GPR89B: variants seen among roughly 807,000 people sequenced by gnomAD.
The protein encoded by GPR89B is golgi pH regulator B.
A neutral mutation model predicts 52.4 loss-of-function variants in GPR89B; 25 were observed. That is an observed-to-expected ratio of 0.48 (90% CI 0.35 to 0.67). The LOEUF is 0.67. GPR89B is among the 30% of genes least tolerant of loss of function. The pLI is 0.01. For synonymous variants in GPR89B, 52 were observed against 151.2 expected (o/e 0.34, Z 4.81); for missense variants, 146 against 450.2 (o/e 0.32, Z 6.11).
At chr1:147,942,305 A>G (rs1571233695) in intron 3 of GPR89B, among the ~76,000 whole-genome samples, 1 of 147,988 alleles carries the variant, frequency 6.8e-6, no homozygotes, top group Non-Finnish European at 1.5e-5. Context: ...AAAAAAAAAC[A>G]GAAAATAACA....
chr1:147,963,298 C>T (rs1656759564), intron 7 of GPR89B, among the ~76,000 whole-genome samples: 1 of 151,570 alleles, frequency 6.6e-6, no homozygotes, highest in African/African-American at 2.4e-5. Context: ...ATGGCTTGAA[C>T]CTGGGAGGCG....
chr1:147,971,783 A>C (rs1398877421), intron 10 of GPR89B, among the ~76,000 whole-genome samples: 2 of 151,954 alleles, frequency 1.3e-5, no homozygotes, highest in African/African-American at 4.8e-5. Flanking sequence ...CCCAGCCAGC[A>C]TGTCATTTTT....
chr1:147,981,056 T>A (rs1393458180), intron 10 of GPR89B, among the ~76,000 whole-genome samples: 1 of 151,826 alleles, frequency 6.6e-6, no homozygotes. Flanking sequence ...AATGTAATTT[T>A]AAAAAGTATA....
At chr1:147,930,316 A>G (rs1653467383) in intron 1 of GPR89B, among the ~76,000 whole-genome samples, 1 of 152,218 alleles carries the variant, frequency 6.6e-6, no homozygotes. Context: ...CGCTTTAGGA[A>G]GGTTTTACCT....
At chr1:147,992,437 T>G (rs1659136564) in intron 12 of GPR89B, 65 bp from the exon 13 acceptor site, 10 of 1,541,100 alleles carry the variant, frequency 6.5e-6, no homozygotes, top group Admixed American at 1.7e-5. Context: ...TAACCATATT[T>G]CTTACTGTTC....
intron 7 of GPR89B, among the ~76,000 whole-genome samples, chr1:147,957,979 G>A (rs1214473805): frequency 2.0e-5 from 3 of 151,430 alleles, no homozygotes; most frequent in Non-Finnish European, 4.4e-5. Context: ...CAGGAGAACG[G>A]TGTGAACCCA....
chr1:148,022,454 T>TA, the GPR89B span, among the ~76,000 whole-genome samples: 1 of 151,936 alleles, frequency 6.6e-6, no homozygotes, highest in Non-Finnish European at 1.5e-5. Flanking sequence ...CGTTAATAGA[T>TA]AGAGACCTAT....
chr1:148,014,973 T>C, the GPR89B span: 2 of 151,472 alleles, frequency 1.3e-5, no homozygotes, highest in Non-Finnish European at 2.9e-5. Flanking sequence ...CTTTGGAACC[T>C]GCACAATTGT....
chr1:148,012,720 T>G, the GPR89B span, among the ~76,000 whole-genome samples: 2 of 151,966 alleles, frequency 1.3e-5, no homozygotes, highest in South Asian at 4.2e-4. Flanking sequence ...TATTCCAGGA[T>G]GTTGTGCCTA....
intron 3 of GPR89B, among the ~76,000 whole-genome samples, chr1:147,940,685 C>A (rs1654487745): frequency 6.6e-6 from 1 of 152,164 alleles, no homozygotes; most frequent in Non-Finnish European, 1.5e-5. Flanking sequence ...AATATATAAA[C>A]AAACGAGCAT....
intron 5 of GPR89B, among the ~76,000 whole-genome samples, chr1:147,949,843 A>C (rs1456120764): frequency 2.6e-5 from 3 of 114,400 alleles, no homozygotes; most frequent in Admixed American, 2.5e-4. Flanking sequence ...TGCCGGGCAG[A>C]GGGGCTCCTC....
the GPR89B span, chr1:148,009,674 C>G: frequency 3.2e-5 from 21 of 666,462 alleles, no homozygotes; most frequent in East Asian, 2.5e-4. Context: ...GGCTCAATAT[C>G]TGGCCCTGGA....
chr1:148,007,366 C>T, the GPR89B span, among the ~76,000 whole-genome samples: 566 of 152,190 alleles, frequency 3.7e-3, 2 homozygotes, highest in African/African-American at 0.013. Context: ...TGAGCCACTG[C>T]GCCCGGCCTG....
intron 5 of GPR89B, among the ~76,000 whole-genome samples, chr1:147,947,646 A>G (rs1473066184): frequency 1.3e-5 from 2 of 152,028 alleles, no homozygotes; most frequent in African/African-American, 4.8e-5. Flanking sequence ...AACCAGAAAA[A>G]GATATGTAAT....
At chr1:147,992,395 G>T in intron 12 of GPR89B, 107 bp from the exon 13 acceptor site, 1 of 807,658 alleles carries the variant, frequency 1.2e-6, no homozygotes, top group South Asian at 1.4e-5. Context: ...ATACAGGATT[G>T]TGGCATGGAA....
downstream of GPR89B, chr1:147,993,983 T>C: frequency 2.8e-6 from 1 of 353,306 alleles, no homozygotes; most frequent in Non-Finnish European, 5.4e-6. Context: ...TCATCTTTGG[T>C]GCTCAAGGAA....
chr1:147,982,518 G>T (rs1408974048), intron 10 of GPR89B, among the ~76,000 whole-genome samples: 1 of 134,566 alleles, frequency 7.4e-6, no homozygotes, highest in South Asian at 2.7e-4. Flanking sequence ...TCTCTGTTTT[G>T]GTACCAGTAC....
downstream of GPR89B, chr1:147,995,911 C>T: frequency 7.1e-7 from 1 of 1,403,218 alleles, no homozygotes; most frequent in South Asian, 1.2e-5. Flanking sequence ...TCTGAGTTAT[C>T]AATTTCAAAC....
chr1:148,013,416 T>C, the GPR89B span, among the ~76,000 whole-genome samples: 1 of 152,030 alleles, frequency 6.6e-6, no homozygotes, highest in Non-Finnish European at 1.5e-5. Context: ...CGAGCATTTC[T>C]TCTCTCCCCA....
Sources: gnomAD v4.1 joint callset for allele counts (sites outside exome capture counted in the v4.1 genomes callset) on GRCh38, gnomAD v4.1.1 for gene constraint, MANE v1.5 for transcripts, NCBI Gene and HGNC (gene_info 2026-07-23, HGNC 2026-07-21) for gene names.